Variants in TENM4 observed in about 807,000 individuals in gnomAD.
TENM4 encodes the protein teneurin transmembrane protein 4.
TENM4 carries 82 observed loss-of-function variants against 243.3 expected under a neutral mutation model. That is an observed-to-expected ratio of 0.34 (90% CI 0.28 to 0.40). The LOEUF (loss-of-function observed/expected upper bound fraction) is 0.40. Ranked by LOEUF, TENM4 falls within the 10% of genes least tolerant of loss-of-function variation. The probability of loss-of-function intolerance (pLI) is 1.00; values close to 1 mark genes in which losing one functional copy is unlikely to be tolerated. For synonymous variants in TENM4, 1,412 were observed against 1,456.3 expected (o/e 0.97, Z 0.69); for missense variants, 3,138 against 3,673.3 (o/e 0.85, Z 3.77).
chr11:78,992,011 T>A (rs192872214), intron 6 of TENM4, among the ~76,000 whole-genome samples: 2 of 152,278 alleles, frequency 1.3e-5, no homozygotes, highest in African/African-American at 4.8e-5. Flanking sequence ...TTCCCTAAAT[T>A]TGAAAAATAG....
chr11:79,070,097 G>T, intron 4 of TENM4, 88 bp from the exon 5 acceptor site: 1 of 1,418,838 alleles, frequency 7.0e-7, no homozygotes, highest in Non-Finnish European at 9.2e-7. Flanking sequence ...TTGCAGCCCT[G>T]TGGACAGAGA....
At chr11:79,228,302 T>A (rs1487275659) in intron 2 of TENM4, among the ~76,000 whole-genome samples, 2 of 152,162 alleles carry the variant, frequency 1.3e-5, no homozygotes, top group Non-Finnish European at 2.9e-5. Flanking sequence ...TGCTTTTTGC[T>A]TCTGCTCAGG....
intron 2 of TENM4, among the ~76,000 whole-genome samples, chr11:79,261,809 T>C (rs1855803204): frequency 6.6e-6 from 1 of 152,198 alleles, no homozygotes; most frequent in Non-Finnish European, 1.5e-5. Flanking sequence ...ATTTCTTTCC[T>C]GACCCCCAGA....
chr11:78,811,879 C>T (rs1382149699), intron 14 of TENM4, among the ~76,000 whole-genome samples: 1 of 152,216 alleles, frequency 6.6e-6, no homozygotes, highest in Non-Finnish European at 1.5e-5. Flanking sequence ...GCTTCTAGCA[C>T]AGCCCCGTAT....
intron 3 of TENM4, among the ~76,000 whole-genome samples, chr11:79,211,151 A>G (rs1028716116): frequency 2.6e-5 from 4 of 152,124 alleles, no homozygotes; most frequent in African/African-American, 9.7e-5. Flanking sequence ...AGGCAGTTAC[A>G]CCAACTTGAC....
At chr11:79,080,263 G>A (rs1246764328) in intron 4 of TENM4, among the ~76,000 whole-genome samples, 2 of 152,202 alleles carry the variant, frequency 1.3e-5, no homozygotes, top group African/African-American at 2.4e-5. Flanking sequence ...GGGTAGACCC[G>A]GGGACAAGGG....
At chr11:78,813,267 T>C (rs1308963860) in intron 13 of TENM4, among the ~76,000 whole-genome samples, 1 of 152,242 alleles carries the variant, frequency 6.6e-6, no homozygotes, top group Non-Finnish European at 1.5e-5. Flanking sequence ...CTCTGCCTTC[T>C]ACTTATGAAC....
intron 15 of TENM4, among the ~76,000 whole-genome samples, chr11:78,796,410 G>T (rs1857161140): frequency 6.6e-6 from 1 of 152,090 alleles, no homozygotes; most frequent in African/African-American, 2.4e-5. Flanking sequence ...CACTAAAAGG[G>T]CCCAACTGGG....
chr11:78,861,429 C>T (rs771926995), intron 10 of TENM4, among the ~76,000 whole-genome samples: 4 of 152,244 alleles, frequency 2.6e-5, no homozygotes. Flanking sequence ...GGGCTTCTGA[C>T]TTCTAACCCA....
intron 15 of TENM4, among the ~76,000 whole-genome samples, chr11:78,804,941 A>G (rs767679854): frequency 2.0e-5 from 3 of 152,178 alleles, no homozygotes; most frequent in Non-Finnish European, 4.4e-5. Flanking sequence ...GCCCACCCCT[A>G]CAGAGCTTAC....
chr11:79,353,559 A>G (rs561489630), intron 1 of TENM4, among the ~76,000 whole-genome samples: 24 of 152,276 alleles, frequency 1.6e-4, no homozygotes, highest in African/African-American at 5.5e-4. Context: ...AAGTGTGACG[A>G]TCTCTAATGT....
intron 15 of TENM4, among the ~76,000 whole-genome samples, chr11:78,791,904 G>T (rs71471423): frequency 6.6e-6 from 1 of 152,158 alleles, no homozygotes; most frequent in Non-Finnish European, 1.5e-5. Flanking sequence ...ATTAATGGAG[G>T]AGGGCTGGGG....
At chr11:79,047,602 G>C (rs1333922714) in intron 6 of TENM4, among the ~76,000 whole-genome samples, 1 of 152,138 alleles carries the variant, frequency 6.6e-6, no homozygotes, top group African/African-American at 2.4e-5. Flanking sequence ...AGAGCTCTTA[G>C]GCTCCTTGGA....
chr11:79,178,151 G>C (rs1863206111), intron 3 of TENM4, among the ~76,000 whole-genome samples: 1 of 152,254 alleles, frequency 6.6e-6, no homozygotes, highest in African/African-American at 2.4e-5. Flanking sequence ...GGGAGACAAA[G>C]AAACTCTAAG....
chr11:79,185,962 T>G (rs1056738266), intron 3 of TENM4, among the ~76,000 whole-genome samples: 3 of 152,170 alleles, frequency 2.0e-5, no homozygotes, highest in African/African-American at 7.2e-5. Flanking sequence ...GCATTTTACA[T>G]GTATAGAAGG....
chr11:79,214,608 A>G (rs17828349), intron 3 of TENM4, among the ~76,000 whole-genome samples: 5,290 of 152,310 alleles, frequency 0.035, 93 homozygotes, highest in Non-Finnish European at 0.035. Context: ...TAGAAATCAT[A>G]TCTACTGTGG....
intron 1 of TENM4, among the ~76,000 whole-genome samples, chr11:79,401,110 G>A (rs1404310896): frequency 1.3e-5 from 2 of 152,246 alleles, no homozygotes; most frequent in Non-Finnish European, 2.9e-5. Context: ...TTGGGGACAG[G>A]AAATAATACA....
At chr11:78,686,358 C>T (rs554791082) in intron 29 of TENM4, among the ~76,000 whole-genome samples, 2 of 152,300 alleles carry the variant, frequency 1.3e-5, no homozygotes, top group African/African-American at 2.4e-5. Context: ...TACATCTCTT[C>T]GTCTATACCC....
Position 79,152,842 on chromosome 11 carries a change from A to G in TENM4, c.-162-4036T>C, listed in dbSNP as rs567547730. On this transcript the variant is annotated intron_variant, in intron 3 of 33. Coordinates refer to ENST00000278550, the MANE Select transcript of TENM4 (RefSeq NM_001098816.3). ...CTTTTAGTGAGCAGGAAGATGTCCA[A>G]ACTCACCTTTTCAATGCACAGGAAA... 1.4e-3 allele frequency among the ~76,000 whole-genome samples: 206 copies of G among 152,358 alleles called. 2 individuals carry two copies. The highest frequency in any genetic ancestry group is 2.5e-3 in the Non-Finnish European group (172 of 68,044).
Sources: allele counts gnomAD v4.1 joint callset (sites outside exome capture counted in the v4.1 genomes callset), GRCh38; gene constraint gnomAD v4.1.1; transcripts MANE v1.5; gene names NCBI Gene and HGNC (gene_info 2026-07-23, HGNC 2026-07-21).